Variants in CAMTA2 observed in about 807,000 individuals in gnomAD.
CAMTA2 encodes calmodulin binding transcription activator 2.
CAMTA2 carries 56 observed loss-of-function variants against 135.7 expected under a neutral mutation model. The ratio of observed to expected loss-of-function variants is 0.41; its 90% CI spans 0.33 to 0.52. The LOEUF (loss-of-function observed/expected upper bound fraction) is 0.52, where lower values mean the gene tolerates loss of function less well. Among genes scored for constraint, CAMTA2 ranks in the 20% least tolerant of loss-of-function variants. The probability of loss-of-function intolerance (pLI) is 0.16; values close to 1 mark genes in which losing one functional copy is unlikely to be tolerated. For missense variants in CAMTA2, 1,358 were observed against 1,553.4 expected (o/e 0.87, Z 2.11); for synonymous variants, 591 against 604.6 (o/e 0.98, Z 0.33).
At chr17:4,978,665 T>C (rs1328198842) in intron 9 of CAMTA2, 35 bp from the exon 10 acceptor site, 5 of 1,602,920 alleles carry the variant, frequency 3.1e-6, no homozygotes, top group Non-Finnish European at 8.5e-7. Flanking sequence ...GTGACTGGAG[T>C]TGGGCGTTCA....
At position 4,973,713 on chromosome 17, in the gene CAMTA2, C is replaced by A; in HGVS notation, c.2073G>T (p.Met691Ile). The A allele has an allele frequency of 1.2e-6, 2 of 1,614,120 alleles. No homozygotes were observed. The highest frequency in any genetic ancestry group is 1.7e-6 in the Non-Finnish European group (2 of 1,179,962). The change falls in exon 13 of 23, where the codon ATG (methionine) becomes ATT (isoleucine). Residue 691 changes from methionine to isoleucine, a missense_variant. Met to Ile is a conservative substitution (Grantham distance 10). Transcript: ENST00000348066. ...EARVVVLVESMIPRSTWKGPE... is the reference protein window; with the variant it reads ...EARVVVLVESIIPRSTWKGPE... The stretch of plus-strand genomic sequence containing the variant: ...GACCCTTCCAGGTGGAGCGTGGGAT[C>A]ATGCTTTCTACCAAGACCACTACCC...
chr17:4,987,314 G>C, intron 1 of CAMTA2: 1 of 1,345,302 alleles, frequency 7.4e-7, no homozygotes, highest in Non-Finnish European at 9.5e-7. Context: ...ATGTTCTGGA[G>C]AAGCCGGGAG....
Position 4,980,071 on chromosome 17 carries a change from A to G in CAMTA2, c.1251T>C (p.Ala417=), listed in dbSNP as rs1972863511. 1.2e-6 allele frequency: 2 copies of G among 1,613,776 alleles called. No individual in the cohort carries two copies. The highest frequency in any genetic ancestry group is 1.7e-6 in the Non-Finnish European group (2 of 1,179,898). The change falls in exon 9 of 23, where the codon GCT becomes GCC. Residue 417 remains alanine, a synonymous_variant. Transcript: ENST00000348066. The surrounding 1 kb of genome is among the most constrained non-coding windows in gnomAD (Gnocchi z 5.3). The stretch of plus-strand genomic sequence containing the variant: ...GAGCAGCTGCCTGGGGCTCCAGGGC[A>G]GCAGCAGGCTCTAGGGCAGAACAGG... The part of the protein sequence containing the change: ...HTPCSALEPA[A]ALEPQAAARG...
At position 4,980,802 on chromosome 17, in the gene CAMTA2, C is replaced by T. The variant is rs983956623; in HGVS notation, c.701-181G>A. On this transcript the variant is annotated intron_variant, in intron 8 of 22. Coordinates refer to ENST00000348066, the MANE Select transcript of CAMTA2 (RefSeq NM_015099.4). This position sits in a 1 kb window ranked among gnomAD's most constrained non-coding sequence, Gnocchi z 5.3. ...TCTACCCCTACCCTTTATTCCCCCT[C>T]CCCCTCTCCATTTCCCCTCAAAACA... is the stretch of plus-strand genomic sequence containing the variant. 5.9e-5 allele frequency among the ~76,000 whole-genome samples: 9 copies of T among 152,114 alleles called. No individual in the cohort carries two copies. The highest frequency in any genetic ancestry group is 3.9e-4 in the Admixed American group (6 of 15,268).
Position 4,969,408 on chromosome 17 carries a change from A to C in CAMTA2, c.3283-71T>G. 6.2e-7 allele frequency: 1 copy of C among 1,607,664 alleles called. No individual in the cohort carries two copies. Among genetic ancestry groups the C allele is most frequent in the Non-Finnish European group, 8.5e-7 (1 of 1,174,066 alleles). On this transcript the variant is annotated intron_variant, in intron 20 of 22. Coordinates refer to ENST00000348066, the MANE Select transcript of CAMTA2 (RefSeq NM_015099.4). The surrounding 1 kb of genome is among the most constrained non-coding windows in gnomAD (Gnocchi z 5.6). ...AGACCCAAAGCCCTGAGGCTCACCC[A>C]AGTTAGGCTGATGCAAGACTCTCTG...
At chr17:4,985,005 A>G (rs1973174522) in intron 3 of CAMTA2, among the ~76,000 whole-genome samples, 1 of 134,082 alleles carries the variant, frequency 7.5e-6, no homozygotes, top group South Asian at 2.4e-4. Flanking sequence ...CGACAGAGCG[A>G]GACTCCATCT....
At position 4,985,851 on chromosome 17, in the gene CAMTA2, G is replaced by A. The variant is rs377555376; in HGVS notation, c.135+29C>T. On this transcript the variant is annotated intron_variant, in intron 3 of 22. Coordinates refer to ENST00000348066, the MANE Select transcript of CAMTA2 (RefSeq NM_015099.4). The stretch of plus-strand genomic sequence containing the variant: ...TCCTCCAGCCTACTAGGTCTTGCTG[G>A]GCCCCAACCCCCAGCCTCCCTAGAA... 9 of 1,486,808 alleles carry A rather than the reference G, an allele frequency of 6.1e-6. 1 individual carries two copies. The South Asian group carries it at 6.8e-5, about 11-fold the overall frequency. 92.1% of individuals were successfully genotyped at this position (1,486,808 alleles called of 1,614,324 possible).
At chr17:4,973,542 G>A (rs1379747356) in intron 13 of CAMTA2, 43 bp downstream of exon 13, 6 of 1,563,746 alleles carry the variant, frequency 3.8e-6, no homozygotes, top group African/African-American at 1.4e-5. Context: ...TGACACTTCT[G>A]TCCCAGAGGC....
intron 4 of CAMTA2, 26 bp from the exon 5 acceptor site, chr17:4,982,918 GTTC>G: frequency 6.2e-7 from 1 of 1,614,172 alleles, no homozygotes; most frequent in Non-Finnish European, 8.5e-7. Context: ...TTGCCCTGGA[GTTC>G]TGTGAACAGA....
chr17:4,981,212 G>C lies in CAMTA2; in HGVS notation c.700+13C>G. On this transcript the variant is annotated intron_variant, in intron 8 of 22. Coordinates refer to ENST00000348066, the MANE Select transcript of CAMTA2 (RefSeq NM_015099.4). ...AGGTGGGAAGACAGCCAAAAGGTCAGGGAGTAACTTACCAAGCCCCCCACT... is the reference window on the plus strand; with the variant it reads ...AGGTGGGAAGACAGCCAAAAGGTCACGGAGTAACTTACCAAGCCCCCCACT... 6.2e-7 allele frequency: 1 copy of C among 1,612,612 alleles called. No homozygotes were observed. Among genetic ancestry groups the C allele is most frequent in the South Asian group, 1.1e-5 (1 of 90,968 alleles).
At chr17:4,976,475 G>A (rs909960220) in intron 11 of CAMTA2, among the ~76,000 whole-genome samples, 3 of 152,134 alleles carry the variant, frequency 2.0e-5, no homozygotes, top group Admixed American at 6.5e-5. Flanking sequence ...AAGGCGGGGT[G>A]GATTGCTTGA....
At chr17:4,978,101 G>C (rs1972728843) in intron 10 of CAMTA2, among the ~76,000 whole-genome samples, 1 of 152,226 alleles carries the variant, frequency 6.6e-6, no homozygotes, top group Admixed American at 6.5e-5. Context: ...TCCCAAGACT[G>C]GTTAGAGGAA....
chr17:4,979,566 G>C (rs905072603), intron 9 of CAMTA2, 118 bp downstream of exon 9: 6 of 609,860 alleles, frequency 9.8e-6, no homozygotes, highest in Non-Finnish European at 1.7e-5. Flanking sequence ...AGCCTAAGAA[G>C]CCATGAAAAC....
chr17:4,987,209 G>T (rs1314469311), intron 1 of CAMTA2: 3 of 1,335,916 alleles, frequency 2.2e-6, no homozygotes, highest in Non-Finnish European at 2.9e-6. Flanking sequence ...CTTGGGCGGC[G>T]CCGGATCGGA....
intron 1 of CAMTA2, chr17:4,986,977 C>T (rs547284950): frequency 1.7e-5 from 25 of 1,483,078 alleles, no homozygotes; most frequent in South Asian, 2.6e-5. Context: ...CTGGCTCCAG[C>T]CTGAGCCCCC....
intron 1 of CAMTA2, chr17:4,986,625 A>C: frequency 1.9e-6 from 1 of 515,298 alleles, no homozygotes; most frequent in Non-Finnish European, 3.4e-6. Flanking sequence ...GGGGGTTGGG[A>C]CTCAGGCCAT....
At chr17:4,974,888 T>G (rs1972523007) in intron 11 of CAMTA2, among the ~76,000 whole-genome samples, 1 of 152,150 alleles carries the variant, frequency 6.6e-6, no homozygotes, top group South Asian at 2.1e-4. Context: ...TTGTCCCCCA[T>G]GGTGAAGGTG....
At chr17:4,976,934 T>C (rs999047812) in intron 11 of CAMTA2, 124 bp downstream of exon 11, 8 of 922,502 alleles carry the variant, frequency 8.7e-6, no homozygotes, top group South Asian at 5.7e-5. Context: ...GAAATAGGAA[T>C]TGAAAAAAAA....
Position 4,972,297 on chromosome 17 carries a change from G to C in CAMTA2, c.2743C>G (p.Pro915Ala). The change falls in exon 16 of 23, where the codon CCA becomes GCA. Residue 915 changes from proline to alanine, a missense_variant. This residue lies in a region of CAMTA2 where 1,077 missense variants were observed against 1,127.5 expected (regional missense o/e 0.96). Transcript: ENST00000348066. Reference sequence around the variant, plus strand: ...GGAGCAGCCCCATCATCTGAAGCTGGTGGGAGGGCAGGAAGGGAGGAGAGG... The same window carrying C: ...GGAGCAGCCCCATCATCTGAAGCTGCTGGGAGGGCAGGAAGGGAGGAGAGG... Reference protein sequence around the residue: ...GPLSSLPALPPASDDGAAPED... With the variant: ...GPLSSLPALPAASDDGAAPED... 6.2e-7 allele frequency: 1 copy of C among 1,613,994 alleles called. No individual in the cohort carries two copies. The highest frequency in any genetic ancestry group is 1.1e-5 in the South Asian group (1 of 91,070).
Sources: gnomAD v4.1 joint callset for allele counts (sites outside exome capture counted in the v4.1 genomes callset) on GRCh38, gnomAD v4.1.1 for gene constraint, gnomAD v4.1.1 regional missense constraint, Gnocchi (gnomAD v3.1) non-coding constraint, MANE v1.5 for transcripts, NCBI Gene and HGNC (gene_info 2026-07-23, HGNC 2026-07-21) for gene names.